Variants in E2F7 observed in about 807,000 individuals in gnomAD.
The protein encoded by E2F7 is E2F transcription factor 7.
In E2F7, 35 loss-of-function variants were observed where a neutral mutation model predicts 81.1. The observed-to-expected ratio is 0.43, with a 90% CI of 0.33 to 0.57. The LOEUF (loss-of-function observed/expected upper bound fraction) is 0.57, where lower values mean the gene tolerates loss of function less well. E2F7 is among the 20% of genes least tolerant of loss of function. E2F7 has a pLI of 0.04. For missense variants in E2F7, 961 were observed against 1,093.7 expected (o/e 0.88, Z 1.71); for synonymous variants, 416 against 416.2 (o/e 1.00, Z 0.01).
intron 4 of E2F7, among the ~76,000 whole-genome samples, chr12:77,049,960 G>A (rs1395729117): frequency 2.7e-5 from 4 of 150,830 alleles, no homozygotes; most frequent in African/African-American, 9.9e-5. Flanking sequence ...ATGTCCACTA[G>A]GGGTCTCTAT....
chr12:77,061,769 A>C (rs1955080468), intron 2 of E2F7, among the ~76,000 whole-genome samples: 1 of 152,190 alleles, frequency 6.6e-6, no homozygotes, highest in South Asian at 2.1e-4. Flanking sequence ...AGATTCCAAG[A>C]AGGATCAACT....
rs367787248 is a variant in E2F7, at chr12:77,060,836, C to T, written c.93+3707G>A. Among the ~76,000 whole-genome samples the T allele has an allele frequency of 9.9e-5, 15 of 152,246 alleles. 1 individual carries two copies. The East Asian group carries it at 1.9e-3, about 20-fold the overall frequency. On this transcript the variant is annotated intron_variant, in intron 2 of 12. Coordinates refer to ENST00000322886, the MANE Select transcript of E2F7 (RefSeq NM_203394.3). The stretch of plus-strand genomic sequence containing the variant: ...CACACTGAGGGTTTCCCCTGCCTAC[C>T]TCCTAGGGGTCCCTCAAACTACCAG...
Position 77,023,807 on chromosome 12 carries a change from C to A in E2F7, c.*208G>T. 1 of 574,206 alleles carries A rather than the reference C, an allele frequency of 1.7e-6. No homozygotes were observed. The highest frequency in any genetic ancestry group is 2.9e-6 in the Non-Finnish European group (1 of 341,020). The allele number at this position is 574,206 out of a possible 1,614,324, so 35.6% of individuals were successfully genotyped here. On this transcript the variant is annotated 3_prime_UTR_variant, in exon 13 of 13. Coordinates refer to ENST00000322886, the MANE Select transcript of E2F7 (RefSeq NM_203394.3). ...TCAGTCGGCGCTTTCACTGTGACAC[C>A]ATGCAGAGTCGGAACTCTAACTGGT...
Position 77,030,116 on chromosome 12 carries a change from C to T in E2F7, c.1599G>A (p.Val533=), listed in dbSNP as rs994775417. The T allele has an allele frequency of 1.2e-6, 2 of 1,614,082 alleles. No homozygotes were observed. Among genetic ancestry groups the T allele is most frequent in the African/African-American group, 1.3e-5 (1 of 74,934 alleles). The change falls in exon 10 of 13, where the codon GTG becomes GTA. Residue 533 remains valine, a synonymous_variant. Coordinates refer to ENST00000322886, the MANE Select transcript of E2F7 (RefSeq NM_203394.3). Reference sequence around the variant, plus strand: ...CAAGGAGTGCTGGCTTCAGGCTCTCCACAGCAGAGGCTGCAGAAGCAAGTG... The same window carrying T: ...CAAGGAGTGCTGGCTTCAGGCTCTCTACAGCAGAGGCTGCAGAAGCAAGTG... ...DVSLASAASA[V]ESLKPALLAG... is the part of the protein sequence containing the mutation.
intron 2 of E2F7, among the ~76,000 whole-genome samples, chr12:77,062,750 G>A (rs1451868465): frequency 6.6e-6 from 1 of 152,110 alleles, no homozygotes; most frequent in Non-Finnish European, 1.5e-5. Context: ...TTATATAAAT[G>A]TATGGATGTG....
rs754519980 is a variant in E2F7 at position 77,055,927 on chromosome 12, C to T, written c.297G>A (p.Arg99=). 2 of 1,613,844 alleles carry T rather than the reference C, an allele frequency of 1.2e-6. No individual in the cohort carries two copies. Among genetic ancestry groups the T allele is most frequent in the East Asian group, 2.2e-5 (1 of 44,884 alleles). Residue 99 remains arginine (R), a synonymous_variant, in exon 3 of 13, where the codon AGG becomes AGA. Transcript: ENST00000322886. The part of the protein sequence containing the change: ...MLISAASPDI[R]DREKKKGLFR... ...ATAGTCCCTTTTTCTTCTCCCGGTC[C>T]CTTATATCTGGGCTGGCAGCACTAA... is the stretch of plus-strand genomic sequence containing the variant.
At position 77,046,239 on chromosome 12, in the gene E2F7, GC is replaced by G. The variant is rs1352482924; in HGVS notation, c.627del (p.Trp209CysfsTer11). ...VSRVAKNQYG[W>X]HGRHSLPKTL... ...GTTTTTGGCAGGCTGTGCCGTCCAT[GC>G]CAGCCATACTGATTCTTAGCCACCC... is the stretch of plus-strand genomic sequence containing the variant. On this transcript the variant is annotated frameshift_variant, in exon 5 of 13. Coordinates refer to ENST00000322886, the MANE Select transcript of E2F7 (RefSeq NM_203394.3). LOFTEE classifies it high-confidence loss of function. 6.2e-7 allele frequency: 1 copy of G among 1,613,844 alleles called. No individual in the cohort carries two copies. Among genetic ancestry groups the G allele is most frequent in the Non-Finnish European group, 8.5e-7 (1 of 1,180,026 alleles).
chr12:77,060,003 C>T (rs1374947796), intron 2 of E2F7, among the ~76,000 whole-genome samples: 2 of 149,058 alleles, frequency 1.3e-5, no homozygotes, highest in South Asian at 2.2e-4. Flanking sequence ...CTTGCCCCAA[C>T]TCTGGACTCC....
Position 77,028,116 on chromosome 12 carries a change from A to C in E2F7, c.1907T>G (p.Leu636Arg). 3 of 1,613,926 alleles carry C rather than the reference A, an allele frequency of 1.9e-6. No homozygotes were observed. Among genetic ancestry groups the C allele is most frequent in the Non-Finnish European group, 2.5e-6 (3 of 1,179,940 alleles). Residue 636 changes from leucine to arginine, a missense_variant, in exon 11 of 13, where the codon CTT becomes CGT. Around this residue, in one of 3 missense-constraint regions of E2F7, gnomAD observed 587 missense variants for 620.3 expected, o/e 0.95. Transcript: ENST00000322886. ...MPKKPSDSTD[L>R]ASPKTMGNRA... is the part of the protein sequence containing the mutation. The stretch of plus-strand genomic sequence containing the variant: ...GTTACCCATAGTCTTGGGAGAGGCA[A>C]GGTCTGTGGAATCTGAGGGTTTCTA...
chr12:77,050,678 T>C lies in E2F7; in HGVS notation c.436A>G (p.Ser146Gly). ...AACTTCTGGCACAGGAGTCCTAAAC[T>C]TTTCTGTTTTCTGCTTGGCCTTTGC... ...EKQRPSRKQK[S>G]LGLLCQKFLA... Residue 146 changes from serine to glycine, a missense_variant, in exon 4 of 13, where the codon AGT (serine) becomes GGT (glycine). Transcript: ENST00000322886. 6.2e-7 allele frequency: 1 copy of C among 1,614,010 alleles called. No homozygotes were observed. The highest frequency in any genetic ancestry group is 8.5e-7 in the Non-Finnish European group (1 of 1,179,954).
chr12:77,024,341 G>C (rs1954741343), intron 12 of E2F7, among the ~76,000 whole-genome samples, 156 bp from the exon 13 acceptor site: 1 of 152,072 alleles, frequency 6.6e-6, no homozygotes, highest in Non-Finnish European at 1.5e-5. Flanking sequence ...TGTCTCCCCT[G>C]CTTACCACAA....
chr12:77,051,670 A>G (rs1011818618), intron 3 of E2F7, among the ~76,000 whole-genome samples: 8 of 152,218 alleles, frequency 5.3e-5, no homozygotes, highest in African/African-American at 1.4e-4. Context: ...GGAATAACAG[A>G]GAACTTCTTC....
At chr12:77,056,169 G>T in intron 2 of E2F7, 39 bp from the exon 3 acceptor site, 1 of 1,541,610 alleles carries the variant, frequency 6.5e-7, no homozygotes, top group South Asian at 1.3e-5. Context: ...AATGAGAAAG[G>T]GCAGGTATCA....
intron 11 of E2F7, among the ~76,000 whole-genome samples, chr12:77,026,647 A>G (rs915532540): frequency 3.3e-5 from 5 of 152,102 alleles, no homozygotes; most frequent in African/African-American, 7.2e-5. Flanking sequence ...ATTTCCCTCA[A>G]TTATCACAGG....
chr12:77,036,122 A>G (rs1202086987), intron 7 of E2F7, among the ~76,000 whole-genome samples: 3 of 152,170 alleles, frequency 2.0e-5, no homozygotes, highest in African/African-American at 7.2e-5. Context: ...TGATTAAGTA[A>G]TGGCCGAAAA....
chr12:77,037,049 C>T (rs1253179765), intron 7 of E2F7, among the ~76,000 whole-genome samples: 1 of 152,158 alleles, frequency 6.6e-6, no homozygotes, highest in East Asian at 1.9e-4. Flanking sequence ...GCGCCCGGCC[C>T]AACCTAGAAT....
Position 77,050,759 on chromosome 12 carries a change from T to C in E2F7, c.370-15A>G, listed in dbSNP as rs114658402. On this transcript the variant is annotated splice_polypyrimidine_tract_variant and intron_variant, in intron 3 of 12. Transcript: ENST00000322886. ...ACAACATCAAGCTACAGAGGGCAGA[T>C]AGAAGGGAGGGGGAAGATGTCACAG... 2,587 of 1,609,350 alleles carry C rather than the reference T, an allele frequency of 1.6e-3. 43 individuals are homozygous for C. The African/African-American group carries it at 0.029, about 18-fold the overall frequency.
At chr12:77,028,176 A>C (rs1954775020) in intron 10 of E2F7, 38 bp from the exon 11 acceptor site, 3 of 1,582,734 alleles carry the variant, frequency 1.9e-6, no homozygotes, top group Non-Finnish European at 2.6e-6. Flanking sequence ...AAAGTAAGTT[A>C]AAATTCCAGT....
chr12:77,033,147 C>T (rs1242240402), intron 8 of E2F7, 25 bp from the exon 9 acceptor site: 2 of 1,604,082 alleles, frequency 1.2e-6, no homozygotes, highest in African/African-American at 1.3e-5. Context: ...GAAGGCTTAA[C>T]AAATATAGCA....
Sources: allele counts gnomAD v4.1 joint callset (sites outside exome capture counted in the v4.1 genomes callset), GRCh38; gene constraint gnomAD v4.1.1; regional missense constraint gnomAD v4.1.1; transcripts MANE v1.5; gene names NCBI Gene and HGNC (gene_info 2026-07-23, HGNC 2026-07-21).